Variants in ST3GAL3 observed in about 807,000 individuals in gnomAD.
ST3GAL3 encodes the protein CMP-N-acetylneuraminate-beta-1,4-galactoside alpha-2,3-sialyltransferase.
Under a neutral mutation model 50.1 loss-of-function variants are expected in ST3GAL3, and 21 were observed. The observed-to-expected ratio is 0.42, with a 90% CI of 0.30 to 0.60. The LOEUF is 0.60. Ranked by LOEUF, ST3GAL3 falls within the 20% of genes least tolerant of loss-of-function variation. The probability of loss-of-function intolerance (pLI) is 0.19; values close to 1 mark genes in which losing one functional copy is unlikely to be tolerated. For missense variants in ST3GAL3, 353 were observed against 489.4 expected (o/e 0.72, Z 2.63); for synonymous variants, 183 against 190.0 (o/e 0.96, Z 0.30).
At chr1:43,915,570 G>C (rs1027222979) in intron 9 of ST3GAL3, among the ~76,000 whole-genome samples, 1 of 152,114 alleles carries the variant, frequency 6.6e-6, no homozygotes, top group South Asian at 2.1e-4. Context: ...TGGGGTGGAG[G>C]GGGCGAGGAA....
At chr1:43,759,063 GCGCACACACACACACA>G (rs1467315825) in intron 2 of ST3GAL3, among the ~76,000 whole-genome samples, 3 of 132,336 alleles carry the variant, frequency 2.3e-5, no homozygotes, top group African/African-American at 3.3e-5. Context: ...ACAAAAGCGC[GCGCACACACACACACA>G]CACACACACA....
intron 2 of ST3GAL3, among the ~76,000 whole-genome samples, chr1:43,761,450 T>C (rs1001239571): frequency 6.6e-6 from 1 of 152,094 alleles, no homozygotes. Context: ...AGGATGTATT[T>C]AGATATGAAA....
At chr1:43,926,051 G>T (rs2083861443) in intron 11 of ST3GAL3, among the ~76,000 whole-genome samples, 1 of 152,172 alleles carries the variant, frequency 6.6e-6, no homozygotes, top group Non-Finnish European at 1.5e-5. Context: ...CTCTCAGGAT[G>T]CTTGGAAGAG....
At chr1:43,813,961 A>G (rs1393987851) in intron 3 of ST3GAL3, among the ~76,000 whole-genome samples, 1 of 151,798 alleles carries the variant, frequency 6.6e-6, no homozygotes. Flanking sequence ...AGCCATAAGA[A>G]ATAATCCCAT....
At chr1:43,895,572 A>C (rs2077275971) in intron 6 of ST3GAL3, among the ~76,000 whole-genome samples, 1 of 152,208 alleles carries the variant, frequency 6.6e-6, no homozygotes, top group African/African-American at 2.4e-5. Context: ...TGTTGTCAGA[A>C]TTACATAAAA....
At chr1:43,793,246 G>A (rs1460250216) in intron 3 of ST3GAL3, among the ~76,000 whole-genome samples, 1 of 151,614 alleles carries the variant, frequency 6.6e-6, no homozygotes, top group Non-Finnish European at 1.5e-5. Context: ...AATGTTTATG[G>A]GTACATAGTG....
intron 4 of ST3GAL3, among the ~76,000 whole-genome samples, chr1:43,824,411 C>G (rs1279883267): frequency 2.0e-5 from 3 of 150,856 alleles, no homozygotes; most frequent in Non-Finnish European, 4.4e-5. Context: ...GGGAGGGATA[C>G]TTTCTCTTGG....
At chr1:43,746,870 C>G (rs1191015209) in intron 2 of ST3GAL3, among the ~76,000 whole-genome samples, 8 of 151,732 alleles carry the variant, frequency 5.3e-5, no homozygotes, top group Non-Finnish European at 1.2e-4. Flanking sequence ...TCAAGCAATT[C>G]TTTTGCCTCA....
At chr1:43,911,566 T>C (rs1437627675) in intron 9 of ST3GAL3, among the ~76,000 whole-genome samples, 2 of 151,586 alleles carry the variant, frequency 1.3e-5, no homozygotes, top group Non-Finnish European at 3.0e-5. Flanking sequence ...TATAGACATA[T>C]CTGTAGCTAT....
chr1:43,896,987 A>G (rs2077476122), intron 6 of ST3GAL3, among the ~76,000 whole-genome samples: 1 of 150,444 alleles, frequency 6.6e-6, no homozygotes, highest in East Asian at 1.9e-4. Context: ...TATTTTTTTA[A>G]TGTGTTTTTG....
intron 3 of ST3GAL3, among the ~76,000 whole-genome samples, chr1:43,799,032 G>A (rs148231610): frequency 7.6e-4 from 116 of 152,266 alleles, no homozygotes; most frequent in African/African-American, 2.6e-3. Context: ...AGACGATGTC[G>A]AGGATATTGT....
chr1:43,743,758 G>A (rs1444684039), intron 2 of ST3GAL3: 1 of 216,976 alleles, frequency 4.6e-6, no homozygotes, highest in Non-Finnish European at 9.2e-6. Flanking sequence ...TTCTTACAGA[G>A]CAACAATACA....
chr1:43,895,417 A>G (rs1475796872), intron 6 of ST3GAL3, among the ~76,000 whole-genome samples: 1 of 152,194 alleles, frequency 6.6e-6, no homozygotes, highest in Non-Finnish European at 1.5e-5. Context: ...GGCATGGTGG[A>G]AAATAATCTG....
chr1:43,893,441 T>A (rs967256874), intron 5 of ST3GAL3, among the ~76,000 whole-genome samples: 6 of 152,228 alleles, frequency 3.9e-5, no homozygotes, highest in Admixed American at 6.5e-5. Context: ...GAAAAGGGCC[T>A]TCAAAGCAGG....
intron 2 of ST3GAL3, 68 bp from the exon 3 acceptor site, chr1:43,792,034 A>T: frequency 1.9e-6 from 3 of 1,590,982 alleles, no homozygotes; most frequent in Non-Finnish European, 2.6e-6. Flanking sequence ...GTTTGGGCAG[A>T]GCCAGTGGGA....
chr1:43,888,068 C>T (rs1412710860), intron 5 of ST3GAL3, among the ~76,000 whole-genome samples: 1 of 151,984 alleles, frequency 6.6e-6, no homozygotes, highest in East Asian at 1.9e-4. Context: ...AAAAAACAAG[C>T]ATGCAAATCT....
chr1:43,840,870 A>C (rs1380492697), intron 5 of ST3GAL3: 1 of 152,258 alleles, frequency 6.6e-6, no homozygotes, highest in Non-Finnish European at 1.5e-5. Context: ...TGTAAAATCA[A>C]AACAAGTTGC....
intron 5 of ST3GAL3, among the ~76,000 whole-genome samples, chr1:43,869,401 C>G (rs1008053109): frequency 2.0e-5 from 3 of 152,080 alleles, no homozygotes; most frequent in South Asian, 2.1e-4. Flanking sequence ...ATAAAGGGCC[C>G]CTCCCTGTCA....
chr1:43,848,834 T>C (rs2154210643), intron 5 of ST3GAL3, among the ~76,000 whole-genome samples: 1 of 152,324 alleles, frequency 6.6e-6, no homozygotes, highest in East Asian at 1.9e-4. Flanking sequence ...TTTTTGTTTT[T>C]CAATCTTCTT....
Sources: allele counts gnomAD v4.1 joint callset (sites outside exome capture counted in the v4.1 genomes callset), GRCh38; gene constraint gnomAD v4.1.1; transcripts MANE v1.5; gene names NCBI Gene and HGNC (gene_info 2026-07-23, HGNC 2026-07-21).